The following NDST1 variants were observed in gnomAD, a reference collection of about 807,000 sequenced individuals.
NDST1 encodes the protein N-deacetylase and N-sulfotransferase 1.
In NDST1, 35 loss-of-function variants were observed where a neutral mutation model predicts 92.8. The observed-to-expected ratio is 0.38, with a 90% CI of 0.29 to 0.50. The LOEUF (loss-of-function observed/expected upper bound fraction) is 0.50. Ranked by LOEUF, NDST1 falls within the 20% of genes least tolerant of loss-of-function variation. The pLI is 0.94. For missense variants in NDST1, 822 were observed against 1,182.7 expected (o/e 0.69, Z 4.47); for synonymous variants, 493 against 500.3 (o/e 0.99, Z 0.19).
At chr5:150,508,645 C>A (rs1159885442) in intron 1 of NDST1, among the ~76,000 whole-genome samples, 1 of 152,062 alleles carries the variant, frequency 6.6e-6, no homozygotes, top group East Asian at 1.9e-4. Context: ...ATGGTGAGAT[C>A]CCAGGGCTCT....
Position 150,521,545 on chromosome 5 carries a change from C to A in NDST1, c.291C>A (p.Gly97=). 6.2e-7 allele frequency: 1 copy of A among 1,614,018 alleles called. No homozygotes were observed. Among genetic ancestry groups the A allele is most frequent in the East Asian group, 2.2e-5 (1 of 44,870 alleles). ...VFVESLYSQL[G]QEVVAILESS... is the part of the protein sequence containing the mutation. ...TGGAGAGCCTCTACTCGCAACTGGG[C>A]CAGGAGGTGGTGGCCATCCTGGAGT... The change falls in exon 2 of 15, where the codon GGC becomes GGA. Residue 97 remains glycine, a synonymous_variant. Coordinates refer to ENST00000261797, the MANE Select transcript of NDST1 (RefSeq NM_001543.5). This position sits in a 1 kb window ranked among gnomAD's most constrained non-coding sequence, Gnocchi z 5.9.
upstream of NDST1, among the ~76,000 whole-genome samples, chr5:150,505,400 A>G (rs182906684): frequency 6.6e-5 from 10 of 152,344 alleles, no homozygotes; most frequent in Admixed American, 3.9e-4. Flanking sequence ...TGTGGGGATT[A>G]AGAACCAGAC....
intron 9 of NDST1, 91 bp downstream of exon 9, chr5:150,541,757 C>T (rs538889421): frequency 1.2e-5 from 14 of 1,197,932 alleles, no homozygotes; most frequent in South Asian, 8.9e-5. Context: ...GCCCCACTCC[C>T]GGATAATTTG....
At chr5:150,552,211 A>G (rs903915951) in intron 14 of NDST1, among the ~76,000 whole-genome samples, 3 of 152,118 alleles carry the variant, frequency 2.0e-5, no homozygotes, top group Admixed American at 6.5e-5. Flanking sequence ...GAGGGCACAC[A>G]AGTGCTATGG....
intron 1 of NDST1, among the ~76,000 whole-genome samples, chr5:150,513,960 T>A (rs1753844636): frequency 6.6e-6 from 1 of 152,224 alleles, no homozygotes. Flanking sequence ...GACCAGAGCA[T>A]CTCATTCATT....
chr5:150,520,054 C>T (rs1754173450), intron 1 of NDST1, among the ~76,000 whole-genome samples: 1 of 152,110 alleles, frequency 6.6e-6, no homozygotes, highest in Non-Finnish European at 1.5e-5. Context: ...TTGTCCTGGG[C>T]TGCTGTGTGC....
chr5:150,550,650 G>A (rs1755682704), intron 13 of NDST1: 1 of 152,240 alleles, frequency 6.6e-6, no homozygotes, highest in East Asian at 1.9e-4. Context: ...CCATTCTTGG[G>A]AAAGTTTTGC....
At chr5:150,545,774 C>G (rs2151299822) in intron 11 of NDST1, among the ~76,000 whole-genome samples, 1 of 152,266 alleles carries the variant, frequency 6.6e-6, no homozygotes, top group Admixed American at 6.5e-5. Context: ...CTAGAGGAAG[C>G]TTAGATTTGG....
At chr5:150,549,138 A>G (rs1051179652) in intron 12 of NDST1, among the ~76,000 whole-genome samples, 2 of 152,170 alleles carry the variant, frequency 1.3e-5, no homozygotes, top group African/African-American at 4.8e-5. Flanking sequence ...CAGCCTCCCA[A>G]GTAGCTGGAA....
chr5:150,524,953 C>G (rs1754404008), intron 2 of NDST1, among the ~76,000 whole-genome samples: 1 of 152,204 alleles, frequency 6.6e-6, no homozygotes, highest in East Asian at 1.9e-4. Context: ...TGTTTCTAAC[C>G]CAGCCACAGG....
chr5:150,529,164 G>A (rs13362281), intron 3 of NDST1, among the ~76,000 whole-genome samples: 5,540 of 152,160 alleles, frequency 0.036, 361 homozygotes, highest in African/African-American at 0.13. Flanking sequence ...AGCCAAGGGA[G>A]GAGGATTGCT....
At chr5:150,549,854 A>T in intron 13 of NDST1, 67 bp downstream of exon 13, 1 of 923,404 alleles carries the variant, frequency 1.1e-6, no homozygotes, top group South Asian at 1.3e-5. Context: ...ACAAAGCCAA[A>T]GTCTTGAATA....
Position 150,554,769 on chromosome 5 carries a change from G to T in NDST1, c.*1437G>T, listed in dbSNP as rs1755837022. 6.5e-6 allele frequency: 1 copy of T among 152,704 alleles called. No individual in the cohort carries two copies. The highest frequency in any genetic ancestry group is 6.5e-5 in the Admixed American group (1 of 15,280). 9.5% of individuals were successfully genotyped at this position (152,704 alleles called of 1,614,324 possible). A position where few individuals can be genotyped will look rare whatever the true frequency, so the allele number is the denominator to read the frequency against. On this transcript the variant is annotated 3_prime_UTR_variant, in exon 15 of 15. Transcript: ENST00000261797. Reference sequence around the variant, plus strand: ...TGGGAGCTGCCCTGAGAGCTGGGATGCCCACCAAGGCCCACAGAACTGTCT... The same window carrying T: ...TGGGAGCTGCCCTGAGAGCTGGGATTCCCACCAAGGCCCACAGAACTGTCT...
rs1173834083 is a variant in NDST1, at chr5:150,554,142, C to T, written c.*810C>T. ...TACAGACACGGTCCCCACACCCTCC[C>T]AGCCTCAGGCCCAGGCAGACATGGG... On this transcript the variant is annotated 3_prime_UTR_variant, in exon 15 of 15. Coordinates refer to ENST00000261797, the MANE Select transcript of NDST1 (RefSeq NM_001543.5). 5.0e-6 allele frequency: 2 copies of T among 398,962 alleles called. No homozygotes were observed. Among genetic ancestry groups the T allele is most frequent in the Non-Finnish European group, 8.8e-6 (2 of 226,168 alleles). 24.7% of individuals were successfully genotyped at this position (398,962 alleles called of 1,614,324 possible). A position where few individuals can be genotyped will look rare whatever the true frequency, so the allele number is the denominator to read the frequency against.
rs373986253 is a variant in NDST1, at chr5:150,521,513, G to A, written c.259G>A (p.Val87Ile). The A allele has an allele frequency of 1.2e-6, 2 of 1,613,908 alleles. No individual in the cohort carries two copies. Among genetic ancestry groups the A allele is most frequent in the African/African-American group, 2.7e-5 (2 of 74,932 alleles). Residue 87 changes from valine to isoleucine, a missense_variant, in exon 2 of 15, where the codon GTC becomes ATC. Val to Ile is a conservative substitution (Grantham distance 29). Coordinates refer to ENST00000261797, the MANE Select transcript of NDST1 (RefSeq NM_001543.5). This position sits in a 1 kb window ranked among gnomAD's most constrained non-coding sequence, Gnocchi z 5.9. ...TTCCCGCACAGACCCGTTGGTGCTG[G>A]TCTTTGTGGAGAGCCTCTACTCGCA... is the stretch of plus-strand genomic sequence containing the variant. ...TPSRTDPLVL[V>I]FVESLYSQLG...
chr5:150,522,093 C>T (rs1476487246), intron 2 of NDST1, among the ~76,000 whole-genome samples: 1 of 152,180 alleles, frequency 6.6e-6, no homozygotes, highest in Non-Finnish European at 1.5e-5. Context: ...TCTGTCAAGG[C>T]AATCTCCCCT....
At position 150,554,493 on chromosome 5, in the gene NDST1, G is replaced by C. The variant is rs1431502982; in HGVS notation, c.*1161G>C. On this transcript the variant is annotated 3_prime_UTR_variant, in exon 15 of 15. Transcript: ENST00000261797. ...AGATGAGGTGGCAGGGAGGGAGGCTGTGTCCTCAGTGGCCTGGGGCTGAGC... is the reference window on the plus strand; with the variant it reads ...AGATGAGGTGGCAGGGAGGGAGGCTCTGTCCTCAGTGGCCTGGGGCTGAGC... 1 of 152,582 alleles carries C rather than the reference G, an allele frequency of 6.6e-6. No individual in the cohort carries two copies. Among genetic ancestry groups the C allele is most frequent in the Non-Finnish European group, 1.5e-5 (1 of 68,064 alleles). 9.5% of individuals were successfully genotyped at this position (152,582 alleles called of 1,614,324 possible).
chr5:150,513,809 C>A (rs1381079321), intron 1 of NDST1, among the ~76,000 whole-genome samples: 1 of 152,244 alleles, frequency 6.6e-6, no homozygotes, highest in Non-Finnish European at 1.5e-5. Context: ...GGCCCTTGTA[C>A]CTCTGCCCCT....
In NDST1 at chr5:150,557,698, C is replaced by T. The variant is rs1357945502; in HGVS notation, c.*4366C>T. The T allele has an allele frequency of 6.6e-6, 1 of 152,436 alleles. No homozygotes were observed. Among genetic ancestry groups the T allele is most frequent in the Non-Finnish European group, 1.5e-5 (1 of 68,084 alleles). 9.4% of individuals were successfully genotyped at this position (152,436 alleles called of 1,614,324 possible). On this transcript the variant is annotated 3_prime_UTR_variant, in exon 15 of 15. Coordinates refer to ENST00000261797, the MANE Select transcript of NDST1 (RefSeq NM_001543.5). This position sits in a 1 kb window ranked among gnomAD's most constrained non-coding sequence, Gnocchi z 4.7. ...CCTGCTGCCCAGGCCGTTGAGGCAA[C>T]ACTGGGTTCCTGGCTTGACAGCTGT...
Sources: gnomAD v4.1 joint callset for allele counts (sites outside exome capture counted in the v4.1 genomes callset) on GRCh38, gnomAD v4.1.1 for gene constraint, Gnocchi (gnomAD v3.1) non-coding constraint, MANE v1.5 for transcripts, NCBI Gene and HGNC (gene_info 2026-07-23, HGNC 2026-07-21) for gene names.